The following NPM1 variants were observed in gnomAD, a reference collection of about 807,000 sequenced individuals.
The protein encoded by NPM1 is nucleophosmin 1, also known as nucleophosmin.
NPM1 carries 1 observed loss-of-function variant against 44.1 expected under a neutral mutation model. That is an observed-to-expected ratio of 0.02 (90% confidence interval 0.01 to 0.11). NPM1 has a LOEUF of 0.11. NPM1 is among the 10% of genes least tolerant of loss of function. NPM1 has a pLI of 1.00. For synonymous variants in NPM1, 126 were observed against 111.8 expected, an observed-to-expected ratio of 1.13 and a Z score of -0.80; for missense variants, 197 against 347.8, an observed-to-expected ratio of 0.57 and a Z score of 3.45.
chr5:171,392,381 C>T (rs948740145), intron 4 of NPM1, among the ~76,000 whole-genome samples: 5 of 152,146 alleles, frequency 3.3e-5, no homozygotes, highest in Admixed American at 6.5e-5. Flanking sequence ...CACTCCACGC[C>T]TGGCTAATTT....
At chr5:171,401,661 C>T (rs1205737665) in intron 8 of NPM1, among the ~76,000 whole-genome samples, 1 of 152,216 alleles carries the variant, frequency 6.6e-6, no homozygotes, top group Non-Finnish European at 1.5e-5. Flanking sequence ...AGGCTGGTCT[C>T]AAACCCCTGA....
chr5:171,387,328 C>T (rs1770264930), upstream of NPM1: 1 of 155,480 alleles, frequency 6.4e-6, no homozygotes, highest in South Asian at 2.0e-4. Context: ...TAACGATTAA[C>T]TGCGATCCGA....
rs146664570 is a variant in NPM1 at position 171,405,584 on chromosome 5, T to C, written c.771+181T>C. The C allele has an allele frequency of 7.3e-3, 4,357 of 598,642 alleles. 25 individuals are homozygous for C. The highest frequency in any genetic ancestry group is 9.5e-3 in the Non-Finnish European group (3,206 of 337,364). The allele number at this position is 598,642 out of a possible 1,614,324, so 37.1% of individuals were successfully genotyped here. A position where few individuals can be genotyped will look rare whatever the true frequency, so the allele number is the denominator to read the frequency against. On this transcript the variant is annotated intron_variant, in intron 9 of 10. Coordinates refer to ENST00000296930, the MANE Select transcript of NPM1 (RefSeq NM_002520.7). The stretch of plus-strand genomic sequence containing the variant: ...CATTTATAATCGTGTCTGTGGTGAT[T>C]TTTGCATATGCAAAATTAAATATGC...
chr5:171,390,484 T>C (rs995314306), intron 2 of NPM1, among the ~76,000 whole-genome samples: 1 of 152,258 alleles, frequency 6.6e-6, no homozygotes, highest in Admixed American at 6.5e-5. Context: ...CTATATTGTG[T>C]GTATGCATAT....
Position 171,387,849 on chromosome 5 carries a change from CT to C in NPM1, c.-97del. On this transcript the variant is annotated 5_prime_UTR_variant, in exon 1 of 11. Transcript: ENST00000296930. ...TATATAAGCGCGGGGAGCCTGCGTC[CT>C]TTCCCTGGTGTGATTCCGTCCTGCG... 2.6e-6 allele frequency: 3 copies of C among 1,146,284 alleles called. No homozygotes were observed. The highest frequency in any genetic ancestry group is 3.9e-6 in the Non-Finnish European group (3 of 766,786). The allele number at this position is 1,146,284 out of a possible 1,614,324, so 71.0% of individuals were successfully genotyped here.
At chr5:171,410,058 A>AGTGTAGGGATTACAGGCGT (rs1214128008) in intron 10 of NPM1, among the ~76,000 whole-genome samples, 1 of 152,138 alleles carries the variant, frequency 6.6e-6, no homozygotes, top group Non-Finnish European at 1.5e-5. Context: ...AGTCTCCCAA[A>AGTGTAGGGATTACAGGCGT]GTGTAGGGAT....
At position 171,407,796 on chromosome 5, in the gene NPM1, A is replaced by C. The variant is rs555914413; in HGVS notation, c.846+22A>C. On this transcript the variant is annotated intron_variant, in intron 10 of 10. Transcript: ENST00000296930. ...AGAGGTAACTGGATTTTCTGGGGAC[A>C]TGATTAAATCCAAGTTTTTTTGTGA... 4 of 1,484,824 alleles carry C rather than the reference A, an allele frequency of 2.7e-6. No homozygotes were observed. The Admixed American group carries it at 5.1e-5, about 19-fold the overall frequency. The allele number at this position is 1,484,824 out of a possible 1,614,324, so 92.0% of individuals were successfully genotyped here.
At chr5:171,405,002 A>G (rs1419018373) in intron 8 of NPM1, among the ~76,000 whole-genome samples, 1 of 152,002 alleles carries the variant, frequency 6.6e-6, no homozygotes, top group Non-Finnish European at 1.5e-5. Flanking sequence ...CAGTGGTATG[A>G]TCATAGCTCA....
intron 6 of NPM1, among the ~76,000 whole-genome samples, chr5:171,394,153 T>C (rs1032616512): frequency 1.3e-5 from 2 of 149,898 alleles, no homozygotes; most frequent in Non-Finnish European, 3.0e-5. Context: ...GCGATTGTCC[T>C]GCCTCAGCCT....
chr5:171,398,397 T>G (rs1291217529), intron 6 of NPM1, among the ~76,000 whole-genome samples: 4 of 152,166 alleles, frequency 2.6e-5, no homozygotes, highest in African/African-American at 9.7e-5. Context: ...AAATATAGAC[T>G]TTGGATGTAG....
At chr5:171,393,661 T>G (rs562095057) in intron 6 of NPM1, among the ~76,000 whole-genome samples, 1 of 152,374 alleles carries the variant, frequency 6.6e-6, no homozygotes, top group East Asian at 1.9e-4. Context: ...CCTTCAGTTC[T>G]GAGGTTGGTC....
In NPM1 at chr5:171,400,206, A is replaced by G. The variant is rs183724988; in HGVS notation, c.578A>G (p.Lys193Arg). 6.2e-7 allele frequency: 1 copy of G among 1,613,646 alleles called. No individual in the cohort carries two copies. The highest frequency in any genetic ancestry group is 2.2e-5 in the East Asian group (1 of 44,864). ...DEEAEEKAPV[K>R]KSIRDTPAKN... Reference sequence around the variant, plus strand: ...GAAGCTGAAGAAAAAGCGCCAGTGAAGAAAGTGAGTAGATACAATGCTACA... The same window carrying G: ...GAAGCTGAAGAAAAAGCGCCAGTGAGGAAAGTGAGTAGATACAATGCTACA... The change falls in exon 7 of 11, where the codon AAG becomes AGG. Residue 193 changes from lysine to arginine, a missense_variant. Lys to Arg is a conservative substitution (Grantham distance 26). This residue lies in a region of NPM1 where 91 missense variants were observed against 94.0 expected (regional missense o/e 0.97). Coordinates refer to ENST00000296930, the MANE Select transcript of NPM1 (RefSeq NM_002520.7).
intron 8 of NPM1, among the ~76,000 whole-genome samples, chr5:171,401,351 CAAAA>C (rs542259785): frequency 1.4e-5 from 2 of 143,090 alleles, no homozygotes; most frequent in African/African-American, 2.6e-5. Context: ...ACTCCGCCTC[CAAAA>C]AAAAAAATCA....
chr5:171,406,396 G>T (rs1167311486), intron 9 of NPM1: 2 of 1,612,528 alleles, frequency 1.2e-6, no homozygotes, highest in East Asian at 2.2e-5. Context: ...TTTAATTGCA[G>T]GCGCATTGAA....
intron 2 of NPM1, among the ~76,000 whole-genome samples, chr5:171,390,848 G>A (rs1349699134): frequency 1.3e-5 from 2 of 151,710 alleles, no homozygotes; most frequent in Non-Finnish European, 2.9e-5. Context: ...TCACCCTCCC[G>A]AGTAGCTGGG....
Position 171,397,566 on chromosome 5 carries a change from A to G in NPM1, c.525-2587A>G, listed in dbSNP as rs565797021. ...CTTTTCATGTATTCATTGGCCATAT[A>G]TCTTTGGAGAAATGTTTTTGCCCAC... On this transcript the variant is annotated intron_variant, in intron 6 of 10. Transcript: ENST00000296930. 2.0e-5 allele frequency among the ~76,000 whole-genome samples: 3 copies of G among 152,084 alleles called. No homozygotes were observed. The East Asian group carries it at 5.8e-4, about 29-fold the overall frequency.
Position 171,400,147 on chromosome 5 carries a change from T to C in NPM1, c.525-6T>C, listed in dbSNP as rs376732202. The C allele has an allele frequency of 4.7e-6, 7 of 1,496,198 alleles. No homozygotes were observed. In the African/African-American group the frequency reaches 9.6e-5, roughly 21 times the overall value. 92.7% of individuals were successfully genotyped at this position (1,496,198 alleles called of 1,614,324 possible). ...AGTGCTTAATGTCTTGACATTTCAT[T>C]TGTAGTGATGATGATGATGATTTTG... On this transcript the variant is annotated splice_polypyrimidine_tract_variant and splice_region_variant and intron_variant, in intron 6 of 10. Transcript: ENST00000296930.
In NPM1 at chr5:171,392,806, A is replaced by G. The variant is rs2113180842; in HGVS notation, c.449A>G (p.Lys150Arg). The change falls in exon 5 of 11, where the codon AAG becomes AGG. Residue 150 changes from lysine to arginine, a missense_variant. By Grantham distance (26) the Lys-to-Arg change is conservative (BLOSUM62 2). Transcript: ENST00000296930. Reference protein sequence around the residue: ...GKRSAPGGGSKVPQKKVKLAA... With the variant: ...GKRSAPGGGSRVPQKKVKLAA... ...CGGTCTGCCCCTGGAGGTGGTAGCA[A>G]GGTTCCACAGGTAGAGATGGCAATT... 1 of 1,613,686 alleles carries G rather than the reference A, an allele frequency of 6.2e-7. No individual in the cohort carries two copies.
intron 6 of NPM1, among the ~76,000 whole-genome samples, chr5:171,397,785 TG>T (rs1451416312): frequency 1.3e-5 from 2 of 151,154 alleles, no homozygotes; most frequent in Non-Finnish European, 2.9e-5. Flanking sequence ...TGTGAGCCAC[TG>T]TGCCTGGCAA....
Sources: allele counts gnomAD v4.1 joint callset (sites outside exome capture counted in the v4.1 genomes callset), GRCh38; gene constraint gnomAD v4.1.1; regional missense constraint gnomAD v4.1.1; transcripts MANE v1.5; gene names NCBI Gene and HGNC (gene_info 2026-07-23, HGNC 2026-07-21).